The following DCLK1 variants were observed in gnomAD, a reference collection of about 807,000 sequenced individuals.
DCLK1 encodes the protein doublecortin like kinase 1, also known as serine/threonine-protein kinase DCLK1.
Under a neutral mutation model 86.2 loss-of-function variants are expected in DCLK1, and 16 were observed. That is an observed-to-expected ratio of 0.19 (90% CI 0.13 to 0.28). DCLK1 has a LOEUF of 0.28. DCLK1 is among the 10% of genes least tolerant of loss of function. DCLK1 has a pLI of 1.00. For missense variants in DCLK1, 590 were observed against 940.2 expected (o/e 0.63, Z 4.87); for synonymous variants, 369 against 370.5 (o/e 1.00, Z 0.05).
At chr13:35,839,963 C>A (rs1041125655) in intron 6 of DCLK1, among the ~76,000 whole-genome samples, 11 of 152,174 alleles carry the variant, frequency 7.2e-5, no homozygotes, top group African/African-American at 2.7e-4. Flanking sequence ...AAACAATTTG[C>A]ACATTTCAAT....
At position 35,968,571 on chromosome 13, in the gene DCLK1, A is replaced by C. The variant is rs1475575227; in HGVS notation, c.724-21114T>G. ...TAGCACTAACAGCTTGCACACTGACAATACAACAATAGCATTATATTATAG... is the reference window on the plus strand; with the variant it reads ...TAGCACTAACAGCTTGCACACTGACCATACAACAATAGCATTATATTATAG... On this transcript the variant is annotated intron_variant, in intron 3 of 16. Transcript: ENST00000360631. 2.0e-5 allele frequency among the ~76,000 whole-genome samples: 3 copies of C among 152,338 alleles called. No individual in the cohort carries two copies. In the East Asian group the frequency reaches 5.8e-4, roughly 29 times the overall value.
rs982375497 is a variant in DCLK1, at chr13:35,769,505, C to G, written c.*5030G>C. ...TCGAGGATATGACTATAACCTTGGA[C>G]CAGTTTCAATTTCTTTTTATTTTTT... On this transcript the variant is annotated 3_prime_UTR_variant, in exon 17 of 17. Coordinates refer to ENST00000360631, the MANE Select transcript of DCLK1 (RefSeq NM_001330071.2). The G allele has an allele frequency of 5.9e-5, 9 of 152,110 alleles. No homozygotes were observed. Among genetic ancestry groups the G allele is most frequent in the South Asian group, 2.1e-4 (1 of 4,826 alleles). The allele number at this position is 152,110 out of a possible 1,614,324, so 9.4% of individuals were successfully genotyped here.
chr13:35,822,697 T>G, intron 11 of DCLK1, 32 bp downstream of exon 11: 3 of 1,613,684 alleles, frequency 1.9e-6, no homozygotes, highest in Non-Finnish European at 2.5e-6. Flanking sequence ...TGCTTGGAAC[T>G]CAGGATGCCC....
chr13:35,976,975 AG>A (rs1879378456), intron 3 of DCLK1, among the ~76,000 whole-genome samples: 1 of 152,214 alleles, frequency 6.6e-6, no homozygotes, highest in Non-Finnish European at 1.5e-5. Context: ...GGAAGGATAT[AG>A]AGAGCTTAAG....
At chr13:35,899,368 TGA>T (rs34255904) in intron 4 of DCLK1, among the ~76,000 whole-genome samples, 55,095 of 129,678 alleles carry the variant, frequency 0.42, 10,551 homozygotes, top group East Asian at 0.5. Flanking sequence ...TGTGTGTGTG[TGA>T]GAGAGAGAGA....
chr13:35,916,852 T>A (rs1365003703), intron 4 of DCLK1, among the ~76,000 whole-genome samples: 3 of 152,176 alleles, frequency 2.0e-5, no homozygotes. Context: ...AGGCAGCATG[T>A]GCAGGAAGGC....
At chr13:35,900,094 T>C (rs1004759363) in intron 4 of DCLK1, among the ~76,000 whole-genome samples, 1 of 152,088 alleles carries the variant, frequency 6.6e-6, no homozygotes, top group African/African-American at 2.4e-5. Context: ...TTAAAATAAA[T>C]GAGAAAGAAG....
intron 5 of DCLK1, among the ~76,000 whole-genome samples, chr13:35,859,581 C>T (rs1566572283): frequency 6.6e-6 from 1 of 152,112 alleles, no homozygotes; most frequent in Non-Finnish European, 1.5e-5. Context: ...CAGCATATAC[C>T]GGTCACAGCG....
chr13:35,859,626 A>G (rs911572794), intron 5 of DCLK1, among the ~76,000 whole-genome samples: 1 of 152,098 alleles, frequency 6.6e-6, no homozygotes, highest in Non-Finnish European at 1.5e-5. Context: ...AAGTGTGCAG[A>G]TCCACCTTTT....
At chr13:35,959,369 T>C (rs993718375) in intron 3 of DCLK1, among the ~76,000 whole-genome samples, 1 of 151,954 alleles carries the variant, frequency 6.6e-6, no homozygotes, top group East Asian at 1.9e-4. Flanking sequence ...TAAAACACCA[T>C]GCAAACAGGG....
At chr13:36,022,875 A>G (rs917806857) in intron 3 of DCLK1, among the ~76,000 whole-genome samples, 3 of 152,234 alleles carry the variant, frequency 2.0e-5, no homozygotes, top group Non-Finnish European at 2.9e-5. Context: ...AAAAGAGGAA[A>G]TAAAACTTTC....
At chr13:36,073,395 T>A (rs915544748) in intron 3 of DCLK1, among the ~76,000 whole-genome samples, 18 of 152,138 alleles carry the variant, frequency 1.2e-4, no homozygotes, top group African/African-American at 4.3e-4. Flanking sequence ...ATAACAACCA[T>A]AAGGTATCAT....
chr13:36,040,955 G>C (rs1274336261), intron 3 of DCLK1, among the ~76,000 whole-genome samples: 7 of 151,834 alleles, frequency 4.6e-5, no homozygotes, highest in African/African-American at 1.7e-4. Flanking sequence ...TTTTATTTTA[G>C]CACTTGCTTA....
intron 4 of DCLK1, among the ~76,000 whole-genome samples, chr13:35,912,721 A>C (rs547385358): frequency 6.6e-6 from 1 of 152,304 alleles, no homozygotes; most frequent in African/African-American, 2.4e-5. Flanking sequence ...TTCAGGACCC[A>C]CTGAGTGCAA....
chr13:35,803,288 T>C lies in DCLK1; in HGVS notation c.1944+2411A>G, dbSNP rs79414355. On this transcript the variant is annotated intron_variant, in intron 15 of 16. Coordinates refer to ENST00000360631, the MANE Select transcript of DCLK1 (RefSeq NM_001330071.2). ...GCTCAAGTAAGATGCTTCCTAATCT[T>C]TTCAGCTTCATAGAAAAGGATAACT... 2.2e-3 allele frequency among the ~76,000 whole-genome samples: 330 copies of C among 152,256 alleles called. 2 individuals carry two copies. Among genetic ancestry groups the C allele is most frequent in the African/African-American group, 7.1e-3 (293 of 41,534 alleles).
intron 3 of DCLK1, among the ~76,000 whole-genome samples, chr13:36,033,238 T>C (rs565773132): frequency 6.6e-6 from 1 of 152,240 alleles, no homozygotes; most frequent in Non-Finnish European, 1.5e-5. Context: ...TTAAGTCAGA[T>C]ATGATGACCT....
intron 3 of DCLK1, among the ~76,000 whole-genome samples, chr13:35,963,511 T>C (rs1278430929): frequency 6.6e-6 from 1 of 152,222 alleles, no homozygotes; most frequent in African/African-American, 2.4e-5. Flanking sequence ...ATGAAATTTT[T>C]CTGGCATTGT....
chr13:35,789,884 CTCTT>C (rs2086683598), intron 16 of DCLK1, among the ~76,000 whole-genome samples: 1 of 151,886 alleles, frequency 6.6e-6, no homozygotes, highest in African/African-American at 2.4e-5. Context: ...CTTTCTCTCT[CTCTT>C]TTTTTTTTCA....
rs180829405 is a variant in DCLK1, at chr13:35,912,068, G to A, written c.823+35290C>T. Among the ~76,000 whole-genome samples the A allele has an allele frequency of 1.1e-3, 174 of 152,136 alleles. 2 individuals carry two copies. Among genetic ancestry groups the A allele is most frequent in the African/African-American group, 3.5e-3 (146 of 41,482 alleles). ...TTAAATGGAATATGTTTCATACAGC[G>A]CCTGCCCCACAGTAAAGCTCAATCA... is the stretch of plus-strand genomic sequence containing the variant. On this transcript the variant is annotated intron_variant, in intron 4 of 16. Coordinates refer to ENST00000360631, the MANE Select transcript of DCLK1 (RefSeq NM_001330071.2).
Sources: gnomAD v4.1 joint callset for allele counts (sites outside exome capture counted in the v4.1 genomes callset) on GRCh38, gnomAD v4.1.1 for gene constraint, MANE v1.5 for transcripts, NCBI Gene and HGNC (gene_info 2026-07-23, HGNC 2026-07-21) for gene names.